MYO7A: variants seen among roughly 807,000 people sequenced by gnomAD.
MYO7A encodes the protein myosin VIIA, also known as unconventional myosin-VIIa.
In MYO7A, 210 loss-of-function variants were observed where a neutral mutation model predicts 263.8. That is an observed-to-expected ratio of 0.80 (90% CI 0.71 to 0.89). MYO7A has a LOEUF of 0.89. MYO7A is among the 40% of genes least tolerant of loss of function. The pLI, the probability that MYO7A is intolerant of heterozygous loss-of-function variation, is 0.00. For synonymous variants in MYO7A, 1,239 were observed against 1,197.3 expected (o/e 1.03, Z -0.72); for missense variants, 2,820 against 2,968.3 (o/e 0.95, Z 1.16).
At chr11:77,155,234 A>G (rs1434503293) in intron 4 of MYO7A, among the ~76,000 whole-genome samples, 1 of 152,122 alleles carries the variant, frequency 6.6e-6, no homozygotes, top group Non-Finnish European at 1.5e-5. Context: ...TGATCTTTGC[A>G]CTAACAGAGG....
chr11:77,201,592 G>T lies in MYO7A; in HGVS notation c.4997G>T (p.Ser1666Ile). Reference sequence around the variant, plus strand: ...CAGCGTGGGGACTTCCCCACCGACAGTGTGTACGTCATGCCCACTGTCACC... The same window carrying T: ...CAGCGTGGGGACTTCCCCACCGACATTGTGTACGTCATGCCCACTGTCACC... ...TKQRGDFPTDSVYVMPTVTMP... is the reference protein window; with the variant it reads ...TKQRGDFPTDIVYVMPTVTMP... The change falls in exon 36 of 49, where the codon AGT (serine) becomes ATT (isoleucine). Residue 1666 changes from serine to isoleucine, a missense_variant. Transcript: ENST00000409709. The T allele has an allele frequency of 1.9e-6, 3 of 1,613,926 alleles. No homozygotes were observed. Among genetic ancestry groups the T allele is most frequent in the Non-Finnish European group, 2.5e-6 (3 of 1,179,868 alleles).
In MYO7A at chr11:77,199,838, G is replaced by A; in HGVS notation, c.4852+20G>A. Reference sequence around the variant, plus strand: ...ACCCCGGTGAGTGGCTGCTGGTATGGACTGCCTGGCACTGGGGGTCAGGGT... The same window carrying A: ...ACCCCGGTGAGTGGCTGCTGGTATGAACTGCCTGGCACTGGGGGTCAGGGT... On this transcript the variant is annotated intron_variant, in intron 35 of 48. Transcript: ENST00000409709. The A allele has an allele frequency of 6.4e-7, 1 of 1,567,236 alleles. No individual in the cohort carries two copies. The highest frequency in any genetic ancestry group is 8.7e-7 in the Non-Finnish European group (1 of 1,150,372).
intron 29 of MYO7A, 125 bp downstream of exon 29, chr11:77,190,264 T>A: frequency 9.8e-7 from 1 of 1,016,736 alleles, no homozygotes; most frequent in Non-Finnish European, 1.4e-6. Context: ...CTGTGGTTCC[T>A]CAGACACCTA....
intron 48 of MYO7A, among the ~76,000 whole-genome samples, chr11:77,214,268 G>A (rs1333421144): frequency 6.6e-6 from 1 of 152,178 alleles, no homozygotes; most frequent in African/African-American, 2.4e-5. Flanking sequence ...GAGTTCAACA[G>A]TGGAACCATT....
At chr11:77,176,213 G>A (rs1192201114) in intron 18 of MYO7A, among the ~76,000 whole-genome samples, 1 of 152,192 alleles carries the variant, frequency 6.6e-6, no homozygotes, top group Non-Finnish European at 1.5e-5. Flanking sequence ...GAACTGGAGG[G>A]AGCCTGCGGC....
chr11:77,169,585 C>G (rs1302762098), intron 15 of MYO7A, among the ~76,000 whole-genome samples: 6 of 152,162 alleles, frequency 3.9e-5, no homozygotes, highest in Admixed American at 1.3e-4. Context: ...TCCCAGAAAA[C>G]AGCAAATACC....
chr11:77,160,673 A>G (rs1032958788), intron 11 of MYO7A, among the ~76,000 whole-genome samples: 1 of 152,118 alleles, frequency 6.6e-6, no homozygotes, highest in Non-Finnish European at 1.5e-5. Context: ...CTCAGAGATA[A>G]ACAGGGTTGG....
intron 10 of MYO7A, 64 bp downstream of exon 10, chr11:77,159,587 A>AC (rs1379728357): frequency 7.9e-5 from 120 of 1,528,142 alleles, no homozygotes; most frequent in Non-Finnish European, 1.0e-4. Context: ...GTTTAAGCTC[A>AC]TTGGGGGCTG....
At chr11:77,213,201 C>T (rs556106540) in intron 47 of MYO7A, among the ~76,000 whole-genome samples, 166 bp downstream of exon 47, 4 of 152,240 alleles carry the variant, frequency 2.6e-5, no homozygotes, top group African/African-American at 7.2e-5. Context: ...CTTTACCCAA[C>T]GCTTGCTCCA....
At chr11:77,142,641 G>A in intron 2 of MYO7A, 68 bp from the exon 3 acceptor site, 1 of 1,347,074 alleles carries the variant, frequency 7.4e-7, no homozygotes, top group Non-Finnish European at 1.0e-6. Flanking sequence ...GAGGGATATA[G>A]GGCTGCCTGG....
intron 33 of MYO7A, 128 bp downstream of exon 33, chr11:77,197,726 T>A: frequency 1.7e-6 from 1 of 599,070 alleles, no homozygotes; most frequent in South Asian, 1.9e-5. Context: ...GCCCACAGCC[T>A]ACAAATTCTC....
Position 77,159,539 on chromosome 11 carries a change from C to G in MYO7A, c.1080+16C>G. 2 of 1,611,276 alleles carry G rather than the reference C, an allele frequency of 1.2e-6. No homozygotes were observed. Among genetic ancestry groups the G allele is most frequent in the Non-Finnish European group, 8.5e-7 (1 of 1,178,406 alleles). On this transcript the variant is annotated intron_variant, in intron 10 of 48. Transcript: ENST00000409709. Reference sequence around the variant, plus strand: ...CCTGCTTGAGGTCAGTGCCTGGCCTCTCTCCCCTCCATGACTTCTGTCCCT... The same window carrying G: ...CCTGCTTGAGGTCAGTGCCTGGCCTGTCTCCCCTCCATGACTTCTGTCCCT...
intron 31 of MYO7A, among the ~76,000 whole-genome samples, chr11:77,193,232 G>C (rs1956344288): frequency 6.8e-6 from 1 of 147,522 alleles, no homozygotes; most frequent in South Asian, 2.2e-4. Context: ...GGTAATATTG[G>C]AGGTAGGGAT....
chr11:77,202,937 C>A, intron 37 of MYO7A, 123 bp from the exon 38 acceptor site: 1 of 1,235,010 alleles, frequency 8.1e-7, no homozygotes, highest in Non-Finnish European at 1.1e-6. Context: ...AAGAGCAGGG[C>A]CTGGTGCCCA....
At chr11:77,182,992 G>T (rs1288748379) in intron 25 of MYO7A, 76 bp from the exon 26 acceptor site, 32 of 1,280,322 alleles carry the variant, frequency 2.5e-5, no homozygotes, top group Non-Finnish European at 3.5e-5. Flanking sequence ...ACGGTTCCCC[G>T]CAAAGTCTTG....
chr11:77,170,879 C>T (rs7930391), intron 15 of MYO7A, among the ~76,000 whole-genome samples: 21,644 of 152,022 alleles, frequency 0.14, 2,489 homozygotes, highest in African/African-American at 0.31. Context: ...GTAGGATTTG[C>T]GGATATATTA....
At position 77,180,512 on chromosome 11, in the gene MYO7A, G is replaced by A. The variant is rs782024160; in HGVS notation, c.2694+31G>A. On this transcript the variant is annotated intron_variant, in intron 22 of 48. Transcript: ENST00000409709. ...CTGAGAGCCTCCAGGCACCTTAGGT[G>A]TCCACTTGCTGGCTTGTCCCCTCCC... The A allele has an allele frequency of 5.7e-6, 9 of 1,585,736 alleles. No individual in the cohort carries two copies. In the African/African-American group the frequency reaches 8.1e-5, roughly 14 times the overall value.
At position 77,161,020 on chromosome 11, in the gene MYO7A, A is replaced by G; in HGVS notation, c.1248A>G (p.Ala416=). The change falls in exon 12 of 49, where the codon GCA becomes GCG. Residue 416 remains alanine, a synonymous_variant. Transcript: ENST00000409709. ...LFVWIVDKIN[A]AIYKPPSQDV... The stretch of plus-strand genomic sequence containing the variant: ...TGTGGATTGTGGACAAGATCAACGC[A>G]GCAATTTACAAGCCTCCCTCCCAGG... 8 of 1,613,374 alleles carry G rather than the reference A, an allele frequency of 5.0e-6. No homozygotes were observed. The highest frequency in any genetic ancestry group is 6.8e-6 in the Non-Finnish European group (8 of 1,179,670).
chr11:77,156,965 T>A lies in MYO7A; in HGVS notation c.696T>A (p.Ile232=). The change falls in exon 7 of 49, where the codon ATT becomes ATA. Residue 232 remains isoleucine, a synonymous_variant. Coordinates refer to ENST00000409709, the MANE Select transcript of MYO7A (RefSeq NM_000260.4). ...GGGGCGCCATCGAGGGCGCGAAGAT[T>A]GAGCAGTACCTGCTGGAAAAGTCAC... is the stretch of plus-strand genomic sequence containing the variant. ...NKRGAIEGAK[I]EQYLLEKSRV... is the part of the protein sequence containing the mutation. 1 of 1,613,896 alleles carries A rather than the reference T, an allele frequency of 6.2e-7. No individual in the cohort carries two copies. Among genetic ancestry groups the A allele is most frequent in the South Asian group, 1.1e-5 (1 of 91,088 alleles).
Sources: gnomAD v4.1 joint callset for allele counts (sites outside exome capture counted in the v4.1 genomes callset) on GRCh38, gnomAD v4.1.1 for gene constraint, MANE v1.5 for transcripts, NCBI Gene and HGNC (gene_info 2026-07-23, HGNC 2026-07-21) for gene names.